The following LEMD3 variants were observed in gnomAD, a reference collection of about 807,000 sequenced individuals.
The protein encoded by LEMD3 is LEM domain containing 3.
A neutral mutation model predicts 95.2 loss-of-function variants in LEMD3; 33 were observed. That is an observed-to-expected ratio of 0.35 (90% confidence interval 0.26 to 0.46). LEMD3 has a LOEUF of 0.46. LEMD3 is among the 20% of genes least tolerant of loss of function. LEMD3 has a pLI of 1.00. For synonymous variants in LEMD3, 525 were observed against 474.6 expected (o/e 1.11, Z -1.38); for missense variants, 1,210 against 1,192.8 (o/e 1.01, Z -0.21).
chr12:65,238,947 A>G, intron 6 of LEMD3, 133 bp downstream of exon 6: 1 of 762,430 alleles, frequency 1.3e-6, no homozygotes, highest in East Asian at 2.7e-5. Context: ...TTCACTAAAT[A>G]TAATAAAAAT....
intron 2 of LEMD3, 82 bp downstream of exon 2, chr12:65,211,045 AAG>A: frequency 9.6e-7 from 1 of 1,036,792 alleles, no homozygotes; most frequent in African/African-American, 1.6e-5. Context: ...AACTAAAAAA[AAG>A]TAATTTTAAA....
intron 4 of LEMD3, among the ~76,000 whole-genome samples, chr12:65,225,306 C>T (rs543648205): frequency 7.9e-5 from 12 of 152,150 alleles, no homozygotes; most frequent in African/African-American, 2.9e-4. Context: ...GGGATTCGTG[C>T]ATTTAACAAC....
intron 1 of LEMD3, among the ~76,000 whole-genome samples, chr12:65,210,615 T>C (rs987925641): frequency 2.6e-5 from 4 of 152,118 alleles, no homozygotes; most frequent in African/African-American, 9.7e-5. Flanking sequence ...GAGTAGCTAA[T>C]TAGATGTTAG....
intron 1 of LEMD3, among the ~76,000 whole-genome samples, chr12:65,190,002 C>G (rs11175670): frequency 6.6e-6 from 1 of 152,056 alleles, no homozygotes; most frequent in African/African-American, 2.4e-5. Context: ...CTTAAAGCCT[C>G]GTACCACACT....
At chr12:65,225,035 A>G (rs1204339612) in intron 4 of LEMD3, among the ~76,000 whole-genome samples, 4 of 152,048 alleles carry the variant, frequency 2.6e-5, no homozygotes, top group South Asian at 4.1e-4. Flanking sequence ...GAACCCCTCT[A>G]ATGAATTCTT....
intron 10 of LEMD3, among the ~76,000 whole-genome samples, chr12:65,245,140 T>C (rs1371994304): frequency 6.6e-6 from 1 of 150,410 alleles, no homozygotes; most frequent in Non-Finnish European, 1.5e-5. Flanking sequence ...CTCTTTTTTT[T>C]TTTTTTTTGA....
At chr12:65,180,210 T>G (rs1000716410) in intron 1 of LEMD3, among the ~76,000 whole-genome samples, 3 of 152,114 alleles carry the variant, frequency 2.0e-5, no homozygotes. Context: ...CCTCTCAAAG[T>G]GCTGGGGTTA....
rs140673073 is a variant in LEMD3, at chr12:65,223,246, A to G, written c.1695+4627A>G. 7.2e-3 allele frequency among the ~76,000 whole-genome samples: 1,093 copies of G among 151,232 alleles called. 43 individuals carry two copies. Among genetic ancestry groups the G allele is most frequent in the Admixed American group, 0.058 (883 of 15,192 alleles). On this transcript the variant is annotated intron_variant, in intron 4 of 12. Coordinates refer to ENST00000308330, the MANE Select transcript of LEMD3 (RefSeq NM_014319.5). ...TAGAATTGTTAAATCTTCCAGATGA[A>G]TTGATCCCTTTGTCATTTATATAAT... is the stretch of plus-strand genomic sequence containing the variant.
In LEMD3 at chr12:65,241,889, G is replaced by A. The variant is rs148322839; in HGVS notation, c.2305+802G>A. ...TCTTTAAACATGGCATAAAAGTGAT[G>A]CTCTGTCAGGGTAAACAGCTAAAGC... On this transcript the variant is annotated intron_variant, in intron 9 of 12. Transcript: ENST00000308330. Among the ~76,000 whole-genome samples, 8 of 152,212 alleles carry A rather than the reference G, an allele frequency of 5.3e-5. No homozygotes were observed. In the East Asian group the frequency reaches 1.5e-3, roughly 29 times the overall value.
intron 10 of LEMD3, among the ~76,000 whole-genome samples, chr12:65,244,151 G>A (rs1871020718): frequency 6.6e-6 from 1 of 152,112 alleles, no homozygotes; most frequent in African/African-American, 2.4e-5. Flanking sequence ...ATTACAATAT[G>A]TATACAATAC....
At chr12:65,183,682 A>C (rs1868974658) in intron 1 of LEMD3, among the ~76,000 whole-genome samples, 2 of 152,122 alleles carry the variant, frequency 1.3e-5, no homozygotes, top group Admixed American at 1.3e-4. Context: ...TTTCTGTTGC[A>C]CTGTTTTAAA....
chr12:65,234,431 G>A (rs1313374699), intron 4 of LEMD3, among the ~76,000 whole-genome samples: 1 of 152,042 alleles, frequency 6.6e-6, no homozygotes, highest in Non-Finnish European at 1.5e-5. Flanking sequence ...TCAACTATTT[G>A]GCACAAGCAA....
intron 1 of LEMD3, among the ~76,000 whole-genome samples, chr12:65,205,027 CCTCAGGAAA>C: frequency 6.6e-6 from 1 of 152,176 alleles, no homozygotes; most frequent in East Asian, 1.9e-4. Context: ...GCTAGGAAGG[CCTCAGGAAA>C]TTTGCAATCA....
At chr12:65,225,644 G>A (rs1446588003) in intron 4 of LEMD3, among the ~76,000 whole-genome samples, 1 of 152,004 alleles carries the variant, frequency 6.6e-6, no homozygotes. Flanking sequence ...GCAGTGGCAC[G>A]ATCTCAGCTC....
At chr12:65,202,520 T>C (rs965047427) in intron 1 of LEMD3, among the ~76,000 whole-genome samples, 3 of 152,184 alleles carry the variant, frequency 2.0e-5, no homozygotes, top group Admixed American at 6.5e-5. Flanking sequence ...CTTTTGCATC[T>C]GTATTCATGA....
At position 65,246,527 on chromosome 12, in the gene LEMD3, G is replaced by A. The variant is rs1871113058; in HGVS notation, c.*202G>A. 3.5e-6 allele frequency: 2 copies of A among 576,764 alleles called. No individual in the cohort carries two copies. The highest frequency in any genetic ancestry group is 5.9e-5 in the East Asian group (2 of 33,894). 35.7% of individuals were successfully genotyped at this position (576,764 alleles called of 1,614,324 possible). On this transcript the variant is annotated 3_prime_UTR_variant, in exon 13 of 13. Coordinates refer to ENST00000308330, the MANE Select transcript of LEMD3 (RefSeq NM_014319.5). ...GTAGGTAGGATAATTATTTCATTCA[G>A]TTTTTGGAGCTCAGTTAAGCCAATA...
intron 1 of LEMD3, among the ~76,000 whole-genome samples, chr12:65,193,301 C>T (rs1051013536): frequency 3.9e-5 from 6 of 152,036 alleles, no homozygotes; most frequent in Non-Finnish European, 7.4e-5. Context: ...ATTAAGTGTG[C>T]GGTTTGACCT....
At chr12:65,198,896 C>T (rs1195935107) in intron 1 of LEMD3, among the ~76,000 whole-genome samples, 1 of 152,034 alleles carries the variant, frequency 6.6e-6, no homozygotes, top group Non-Finnish European at 1.5e-5. Flanking sequence ...GCAGAACACA[C>T]GGATACAGAG....
chr12:65,187,627 T>A (rs1869107687), intron 1 of LEMD3, among the ~76,000 whole-genome samples: 1 of 152,134 alleles, frequency 6.6e-6, no homozygotes, highest in Non-Finnish European at 1.5e-5. Flanking sequence ...CACATTCTAC[T>A]AGACTAGGAG....
Sources: allele counts gnomAD v4.1 joint callset (sites outside exome capture counted in the v4.1 genomes callset), GRCh38; gene constraint gnomAD v4.1.1; transcripts MANE v1.5; gene names NCBI Gene and HGNC (gene_info 2026-07-23, HGNC 2026-07-21).